Variants in HS6ST3 observed in about 807,000 individuals in gnomAD.
HS6ST3 encodes the protein heparan-sulfate 6-O-sulfotransferase 3.
In HS6ST3, 12 loss-of-function variants were observed where a neutral mutation model predicts 36.7. That is an observed-to-expected ratio of 0.33 (90% confidence interval 0.21 to 0.53). The LOEUF is 0.53. Ranked by LOEUF, HS6ST3 falls within the 20% of genes least tolerant of loss-of-function variation. HS6ST3 has a pLI of 0.95. For missense variants in HS6ST3, 584 were observed against 640.9 expected (o/e 0.91, Z 0.96); for synonymous variants, 240 against 257.5 (o/e 0.93, Z 0.65).
intron 1 of HS6ST3, among the ~76,000 whole-genome samples, chr13:96,805,200 G>A (rs1287056217): frequency 6.6e-6 from 1 of 152,128 alleles, no homozygotes; most frequent in Non-Finnish European, 1.5e-5. Context: ...CAATCCCCAT[G>A]TGTCGGGGGA....
At chr13:96,116,704 T>G (rs1219254999) in intron 1 of HS6ST3, among the ~76,000 whole-genome samples, 2 of 152,158 alleles carry the variant, frequency 1.3e-5, no homozygotes, top group African/African-American at 2.4e-5. Context: ...AGTGATAAAT[T>G]GCAGTAAATT....
At position 96,486,879 on chromosome 13, in the gene HS6ST3, G is replaced by T. The variant is rs189475082; in HGVS notation, c.708-345611G>T. On this transcript the variant is annotated intron_variant, in intron 1 of 1. Transcript: ENST00000376705. ...AAACTAAGATGACTAGCGTTATTCC[G>T]TAGCAAAAATGCCCTTGAGTCAGAC... 1.2e-4 allele frequency among the ~76,000 whole-genome samples: 19 copies of T among 152,188 alleles called. No individual in the cohort carries two copies. In the East Asian group the frequency reaches 3.1e-3, roughly 25 times the overall value.
At position 96,144,784 on chromosome 13, in the gene HS6ST3, TC is replaced by T. The variant is rs1475559760; in HGVS notation, c.707+53221del. Among the ~76,000 whole-genome samples, 252 of 47,216 alleles carry T rather than the reference TC, an allele frequency of 5.3e-3. 4 individuals are homozygous for T. Among genetic ancestry groups the T allele is most frequent in the African/African-American group, 0.021 (244 of 11,752 alleles). The allele number at this position is 47,216 out of a possible 152,430, so 31.0% of individuals were successfully genotyped here. On this transcript the variant is annotated intron_variant, in intron 1 of 1. Coordinates refer to ENST00000376705, the MANE Select transcript of HS6ST3 (RefSeq NM_153456.4). ...TAGGTATATCACCTAATGCTCTCCC[TC>T]CCCCCTCCCCCCTCCCCCCACCACA...
chr13:96,680,256 A>T (rs1378218111), intron 1 of HS6ST3, among the ~76,000 whole-genome samples: 2 of 152,028 alleles, frequency 1.3e-5, no homozygotes, highest in African/African-American at 4.8e-5. Flanking sequence ...GCCTTGTCAC[A>T]CCACCATGCC....
At chr13:96,277,922 A>G (rs550342286) in intron 1 of HS6ST3, among the ~76,000 whole-genome samples, 1 of 152,294 alleles carries the variant, frequency 6.6e-6, no homozygotes, top group South Asian at 2.1e-4. Context: ...GGGAATGGAA[A>G]ATGACATGAG....
intron 1 of HS6ST3, among the ~76,000 whole-genome samples, chr13:96,360,617 T>C (rs2055233039): frequency 6.9e-6 from 1 of 144,500 alleles, no homozygotes; most frequent in Non-Finnish European, 1.5e-5. Flanking sequence ...AGACAGAGAC[T>C]ACCCTGACTT....
chr13:96,469,725 ATGGTGATGG>A (rs1368569942), intron 1 of HS6ST3, among the ~76,000 whole-genome samples: 2 of 152,010 alleles, frequency 1.3e-5, no homozygotes, highest in Non-Finnish European at 2.9e-5. Flanking sequence ...AGTGGTGGTG[ATGGTGATGG>A]TGGTGATGGC....
intron 1 of HS6ST3, among the ~76,000 whole-genome samples, chr13:96,693,476 GTATTTTTA>G (rs1193224524): frequency 2.0e-5 from 3 of 152,006 alleles, no homozygotes; most frequent in African/African-American, 7.2e-5. Context: ...AGCTAATTTT[GTATTTTTA>G]TAGAGATGGA....
intron 1 of HS6ST3, among the ~76,000 whole-genome samples, chr13:96,513,756 T>C (rs541570944): frequency 6.6e-6 from 1 of 152,082 alleles, no homozygotes; most frequent in African/African-American, 2.4e-5. Context: ...CATCATAGAG[T>C]GTACTTACAC....
rs150809504 is a variant in HS6ST3 at position 96,315,477 on chromosome 13, T to C, written c.707+223908T>C. Among the ~76,000 whole-genome samples the C allele has an allele frequency of 4.6e-5, 7 of 152,252 alleles. No homozygotes were observed. In the East Asian group the frequency reaches 1.4e-3, roughly 29 times the overall value. On this transcript the variant is annotated intron_variant, in intron 1 of 1. Coordinates refer to ENST00000376705, the MANE Select transcript of HS6ST3 (RefSeq NM_153456.4). ...CAATAACTCTGGTACAAGTTTGCAT[T>C]TAGGTTTTTAGATTAATACAGGATC...
intron 1 of HS6ST3, among the ~76,000 whole-genome samples, chr13:96,639,990 T>C (rs2056564640): frequency 6.6e-6 from 1 of 152,066 alleles, no homozygotes; most frequent in Non-Finnish European, 1.5e-5. Flanking sequence ...TGATTCCATG[T>C]CTTTGCTATT....
intron 1 of HS6ST3, among the ~76,000 whole-genome samples, chr13:96,664,455 A>G (rs1236094396): frequency 6.6e-6 from 1 of 152,148 alleles, no homozygotes; most frequent in Admixed American, 6.5e-5. Flanking sequence ...ATCCAAGCCA[A>G]TATAGATCAA....
At chr13:96,590,615 A>G (rs542278080) in intron 1 of HS6ST3, among the ~76,000 whole-genome samples, 1 of 152,140 alleles carries the variant, frequency 6.6e-6, no homozygotes, top group Non-Finnish European at 1.5e-5. Flanking sequence ...GGTATTCTGC[A>G]GATATTTTCT....
At chr13:96,818,745 T>G (rs1321961626) in intron 1 of HS6ST3, among the ~76,000 whole-genome samples, 1 of 152,218 alleles carries the variant, frequency 6.6e-6, no homozygotes, top group African/African-American at 2.4e-5. Flanking sequence ...CAGCAACCAC[T>G]TTACTCTTTA....
intron 1 of HS6ST3, among the ~76,000 whole-genome samples, chr13:96,160,525 A>C (rs7330875): frequency 6.6e-6 from 1 of 152,046 alleles, no homozygotes; most frequent in Non-Finnish European, 1.5e-5. Flanking sequence ...GCTATATACT[A>C]TGTAGGAGTG....
chr13:96,171,678 A>T (rs920574132), intron 1 of HS6ST3, among the ~76,000 whole-genome samples: 1 of 152,214 alleles, frequency 6.6e-6, no homozygotes, highest in Non-Finnish European at 1.5e-5. Context: ...TCAGTAATTC[A>T]TTTCAACAAA....
At chr13:96,116,549 C>G (rs1027883287) in intron 1 of HS6ST3, among the ~76,000 whole-genome samples, 1 of 152,184 alleles carries the variant, frequency 6.6e-6, no homozygotes, top group East Asian at 1.9e-4. Flanking sequence ...ACTCCATTCC[C>G]AAACCATGAG....
intron 1 of HS6ST3, among the ~76,000 whole-genome samples, chr13:96,561,168 T>C (rs1297932009): frequency 6.6e-6 from 1 of 152,110 alleles, no homozygotes; most frequent in Non-Finnish European, 1.5e-5. Context: ...AACAGCATGG[T>C]ACTGATATAA....
chr13:96,531,106 C>A (rs2056133558), intron 1 of HS6ST3, among the ~76,000 whole-genome samples: 1 of 152,098 alleles, frequency 6.6e-6, no homozygotes, highest in Non-Finnish European at 1.5e-5. Context: ...ATATCTCTTT[C>A]CACTTTCTCT....
Sources: gnomAD v4.1 joint callset for allele counts (sites outside exome capture counted in the v4.1 genomes callset) on GRCh38, gnomAD v4.1.1 for gene constraint, MANE v1.5 for transcripts, NCBI Gene and HGNC (gene_info 2026-07-23, HGNC 2026-07-21) for gene names.